SMCO2: variants seen among roughly 807,000 people sequenced by gnomAD.
SMCO2 encodes the protein single-pass membrane and coiled-coil domain-containing protein 2.
A neutral mutation model predicts 29.5 loss-of-function variants in SMCO2; 25 were observed. The observed-to-expected ratio is 0.85, with a 90% confidence interval of 0.62 to 1.18. SMCO2 has a LOEUF of 1.18. SMCO2 is among the 50% of genes most tolerant of loss of function. SMCO2 has a pLI of 0.00. For missense variants in SMCO2, 348 were observed against 344.5 expected (o/e 1.01, Z -0.08); for synonymous variants, 117 against 123.3 (o/e 0.95, Z 0.34).
the SMCO2 span, among the ~76,000 whole-genome samples, chr12:27,425,598 G>A: frequency 1.3e-5 from 2 of 151,926 alleles, no homozygotes; most frequent in Non-Finnish European, 2.9e-5. Context: ...TTTATCTTCC[G>A]GTGGACCCTC....
At chr12:27,461,000 T>C in the SMCO2 span, among the ~76,000 whole-genome samples, 1 of 152,192 alleles carries the variant, frequency 6.6e-6, no homozygotes, top group African/African-American at 2.4e-5. Context: ...GCCAGTGTGC[T>C]TGCCTGCCTT....
rs60554184 is a variant in SMCO2 at position 27,493,532 on chromosome 12, C to CA, written c.451-756dup. 2.6e-3 allele frequency among the ~76,000 whole-genome samples: 378 copies of CA among 144,010 alleles called. 1 individual carries two copies. The highest frequency in any genetic ancestry group is 0.011 in the East Asian group (55 of 5,004). The allele number at this position is 144,010 out of a possible 152,430, so 94.5% of individuals were successfully genotyped here. The stretch of plus-strand genomic sequence containing the variant: ...TGGATGTCCGAATGAGACCTTGTCT[C>CA]AAAAAAAAAAAATTAATTTCTATAA... On this transcript the variant is annotated intron_variant, in intron 5 of 7. Transcript: ENST00000298876.
chr12:27,492,957 A>G (rs1942944591), intron 5 of SMCO2, among the ~76,000 whole-genome samples: 1 of 152,240 alleles, frequency 6.6e-6, no homozygotes, highest in African/African-American at 2.4e-5. Flanking sequence ...GACAGTTGGG[A>G]TAAAGAAAAT....
intron 4 of SMCO2, among the ~76,000 whole-genome samples, chr12:27,482,008 G>A (rs1255424466): frequency 7.1e-6 from 1 of 140,484 alleles, no homozygotes; most frequent in Non-Finnish European, 1.5e-5. Context: ...ATTTGATTCT[G>A]CTTTTTTTTT....
chr12:27,471,277 T>A (rs1205771525), intron 2 of SMCO2, among the ~76,000 whole-genome samples: 1 of 152,210 alleles, frequency 6.6e-6, no homozygotes, highest in Admixed American at 6.6e-5. Context: ...AATGCATTTA[T>A]AATTTATTGA....
Position 27,500,088 on chromosome 12 carries a change from G to T in SMCO2, c.684-1835G>T, listed in dbSNP as rs772142333. ...GTCTAAAATGAATAAAATTATTAGT[G>T]ACACATTTTTTTGGTTCTGTACAGG... On this transcript the variant is annotated intron_variant, in intron 7 of 7. Coordinates refer to ENST00000298876, the Ensembl canonical transcript of SMCO2. Among the ~76,000 whole-genome samples the T allele has an allele frequency of 2.3e-4, 34 of 150,592 alleles. 1 individual carries two copies. Among genetic ancestry groups the T allele is most frequent in the Non-Finnish European group, 3.2e-4 (22 of 67,846 alleles).
At chr12:27,478,371 G>C (rs1340660834) in intron 4 of SMCO2, among the ~76,000 whole-genome samples, 1 of 152,078 alleles carries the variant, frequency 6.6e-6, no homozygotes, top group Non-Finnish European at 1.5e-5. Flanking sequence ...TGGTTAGTCT[G>C]GGTGGGCCAG....
chr12:27,483,093 T>C (rs961362167), intron 4 of SMCO2, among the ~76,000 whole-genome samples: 1 of 152,218 alleles, frequency 6.6e-6, no homozygotes, highest in East Asian at 1.9e-4. Flanking sequence ...GTAAATGATA[T>C]GTGTGCAATA....
At chr12:27,488,277 A>G (rs1159585513) in intron 4 of SMCO2, among the ~76,000 whole-genome samples, 183 bp from the exon 6 acceptor site, 1 of 152,106 alleles carries the variant, frequency 6.6e-6, no homozygotes, top group African/African-American at 2.4e-5. Context: ...CTTTAATATT[A>G]TCTAGATTAC....
chr12:27,440,339 G>T, the SMCO2 span, among the ~76,000 whole-genome samples: 1 of 152,066 alleles, frequency 6.6e-6, no homozygotes, highest in Non-Finnish European at 1.5e-5. Flanking sequence ...GTTCTGTTGT[G>T]CAAGAAAAGC....
chr12:27,500,544 G>A (rs1019056623), intron 7 of SMCO2, among the ~76,000 whole-genome samples: 2 of 150,610 alleles, frequency 1.3e-5, no homozygotes, highest in Non-Finnish European at 2.9e-5. Flanking sequence ...ATGTTAAAAT[G>A]TGTTTCTTTG....
At chr12:27,495,301 G>A (rs1942985364) in intron 6 of SMCO2, among the ~76,000 whole-genome samples, 1 of 140,758 alleles carries the variant, frequency 7.1e-6, no homozygotes, top group African/African-American at 2.9e-5. Context: ...GTAATAGATT[G>A]TATTCTTTGT....
In SMCO2 at chr12:27,475,556, A is replaced by C. The variant is rs772319970; in HGVS notation, c.362+643A>C. On this transcript the variant is annotated intron_variant, in intron 4 of 7. Transcript: ENST00000298876. ...AATTGTTTCCCATTTTCTGCTTTGA[A>C]AATGATCACCATAATATTTCCGCAG... The C allele has an allele frequency of 1.5e-5, 23 of 1,499,142 alleles. No individual in the cohort carries two copies. The South Asian group carries it at 3.1e-4, about 20-fold the overall frequency. 92.9% of individuals were successfully genotyped at this position (1,499,142 alleles called of 1,614,324 possible).
At chr12:27,423,550 C>T in the SMCO2 span, 511 of 152,102 alleles carry the variant, frequency 3.4e-3, 3 homozygotes, top group African/African-American at 0.011. Flanking sequence ...AGGATGGTCT[C>T]GATCTCCTGA....
At chr12:27,475,002 A>G in intron 4 of SMCO2, 89 bp downstream of exon 4, 1 of 1,449,464 alleles carries the variant, frequency 6.9e-7, no homozygotes, top group Non-Finnish European at 9.2e-7. Context: ...AAAGTCTGGA[A>G]GATTTAAAAT....
the SMCO2 span, among the ~76,000 whole-genome samples, chr12:27,450,854 A>G: frequency 6.6e-6 from 1 of 152,366 alleles, no homozygotes; most frequent in Non-Finnish European, 1.5e-5. Context: ...GATTGGCTTC[A>G]TACAGTGAGT....
chr12:27,489,024 T>C lies in SMCO2; in HGVS notation c.450+477T>C, dbSNP rs114968513. Reference sequence around the variant, plus strand: ...TCCTCACACTTCTTATAGACTCTTCTCAAATTAAGGTTTAATTTTCCACTT... The same window carrying C: ...TCCTCACACTTCTTATAGACTCTTCCCAAATTAAGGTTTAATTTTCCACTT... On this transcript the variant is annotated intron_variant, in intron 5 of 7. Coordinates refer to ENST00000298876, the Ensembl canonical transcript of SMCO2. Among the ~76,000 whole-genome samples, 1,205 of 152,228 alleles carry C rather than the reference T, an allele frequency of 7.9e-3. 18 individuals carry two copies. Among genetic ancestry groups the C allele is most frequent in the African/African-American group, 0.027 (1,126 of 41,546 alleles).
At chr12:27,440,110 G>A in the SMCO2 span, among the ~76,000 whole-genome samples, 1 of 152,086 alleles carries the variant, frequency 6.6e-6, no homozygotes, top group Non-Finnish European at 1.5e-5. Flanking sequence ...GAGATAAGAA[G>A]CAAATAATAT....
At chr12:27,495,909 GATT>G in intron 7 of SMCO2, 54 bp downstream of exon 8, 1 of 1,317,634 alleles carries the variant, frequency 7.6e-7, no homozygotes, top group African/African-American at 1.5e-5. Flanking sequence ...AAAATGTATG[GATT>G]ATGCTGGGAT....
Sources: gnomAD v4.1 joint callset for allele counts (sites outside exome capture counted in the v4.1 genomes callset) on GRCh38, gnomAD v4.1.1 for gene constraint, MANE v1.5 for transcripts, NCBI Gene and HGNC (gene_info 2026-07-23, HGNC 2026-07-21) for gene names.